NRG1: variants seen among roughly 807,000 people sequenced by gnomAD.
The protein encoded by NRG1 is neuregulin 1.
A neutral mutation model predicts 63.8 loss-of-function variants in NRG1; 18 were observed. The ratio of observed to expected loss-of-function variants is 0.28; its 90% CI spans 0.19 to 0.42. The LOEUF is 0.42. Ranked by LOEUF, NRG1 falls within the 10% of genes least tolerant of loss-of-function variation. The probability of loss-of-function intolerance (pLI) is 1.00; values close to 1 mark genes in which losing one functional copy is unlikely to be tolerated. For synonymous variants in NRG1, 302 were observed against 301.3 expected (o/e 1.00, Z -0.02); for missense variants, 762 against 814.7 (o/e 0.94, Z 0.79).
At chr8:32,648,301 C>A in intron 5 of NRG1, 2 of 1,614,112 alleles carry the variant, frequency 1.2e-6, no homozygotes, top group Middle Eastern at 1.6e-4. Context: ...CCTTCACCCA[C>A]CCGGAACCCT....
At chr8:32,364,020 A>G (rs371946718) in intron 1 of NRG1, among the ~76,000 whole-genome samples, 2 of 150,242 alleles carry the variant, frequency 1.3e-5, no homozygotes, top group African/African-American at 4.9e-5. Context: ...AAAATGTACT[A>G]TAATCCCACC....
chr8:31,671,810 G>GA (rs1271730479), intron 1 of NRG1, among the ~76,000 whole-genome samples: 3 of 151,892 alleles, frequency 2.0e-5, no homozygotes, highest in Middle Eastern at 3.2e-3. Flanking sequence ...ATGTCAGTAG[G>GA]AAAAAAGATA....
intron 1 of NRG1, among the ~76,000 whole-genome samples, chr8:32,053,132 T>C (rs569247862): frequency 1.3e-5 from 2 of 152,292 alleles, no homozygotes; most frequent in African/African-American, 4.8e-5. Flanking sequence ...TGCAGATCTA[T>C]TTTGGAGACC....
chr8:32,504,576 C>T (rs10954853), intron 1 of NRG1, among the ~76,000 whole-genome samples: 25,864 of 151,816 alleles, frequency 0.17, 2,580 homozygotes, highest in Admixed American at 0.31. Context: ...CACACATAAA[C>T]ATATAAAGAT....
intron 1 of NRG1, among the ~76,000 whole-genome samples, chr8:32,084,675 C>G (rs939366619): frequency 2.0e-5 from 3 of 152,116 alleles, no homozygotes; most frequent in Non-Finnish European, 4.4e-5. Flanking sequence ...AGGAAATATT[C>G]TATTCTCAGT....
At chr8:32,034,969 A>G (rs1026239658) in intron 1 of NRG1, among the ~76,000 whole-genome samples, 7 of 148,132 alleles carry the variant, frequency 4.7e-5, no homozygotes, top group Admixed American at 4.7e-4. Context: ...GAGCTTGGTT[A>G]TTTCTTGTCT....
chr8:31,647,051 C>A (rs1804354903), intron 1 of NRG1, among the ~76,000 whole-genome samples: 1 of 152,188 alleles, frequency 6.6e-6, no homozygotes, highest in Admixed American at 6.5e-5. Context: ...TTGCTGTAGT[C>A]TATGAACCCT....
chr8:31,963,562 C>T (rs1163540171), intron 1 of NRG1, among the ~76,000 whole-genome samples: 1 of 152,094 alleles, frequency 6.6e-6, no homozygotes, highest in Non-Finnish European at 1.5e-5. Context: ...GTACAAAATG[C>T]CATAATATTT....
chr8:32,464,394 G>A (rs973942003), intron 1 of NRG1, among the ~76,000 whole-genome samples: 1 of 147,452 alleles, frequency 6.8e-6, no homozygotes, highest in African/African-American at 2.5e-5. Context: ...CCAGGTTGCA[G>A]AATCCCAATC....
intron 5 of NRG1, among the ~76,000 whole-genome samples, chr8:32,658,039 G>A (rs1363712697): frequency 6.6e-6 from 1 of 152,068 alleles, no homozygotes; most frequent in African/African-American, 2.4e-5. Flanking sequence ...CTACTTCCAC[G>A]ATAACAGGGA....
intron 1 of NRG1, among the ~76,000 whole-genome samples, chr8:31,944,796 G>T (rs1048800169): frequency 6.6e-6 from 1 of 152,164 alleles, no homozygotes; most frequent in Non-Finnish European, 1.5e-5. Flanking sequence ...AGCAATTTAC[G>T]CAGTAGGTAT....
chr8:32,280,330 T>C (rs1473018879), intron 1 of NRG1, among the ~76,000 whole-genome samples: 1 of 152,210 alleles, frequency 6.6e-6, no homozygotes, highest in Non-Finnish European at 1.5e-5. Context: ...GAATCACTAA[T>C]TAAATGAGAT....
rs554538711 is a variant in NRG1, at chr8:32,689,297, C to CA, written c.503-38639dup. ...GGATCGTGGCAACAATAAGAGAAAT[C>CA]AAAAAAAAAAAAAGGAAGAGTTCAT... On this transcript the variant is annotated intron_variant, in intron 5 of 11. Coordinates refer to ENST00000356819, the Ensembl canonical transcript of NRG1. Among the ~76,000 whole-genome samples, 690 of 119,024 alleles carry CA rather than the reference C, an allele frequency of 5.8e-3. 2 individuals are homozygous for CA. The highest frequency in any genetic ancestry group is 0.035 in the Middle Eastern group (8 of 226). The allele number at this position is 119,024 out of a possible 152,430, so 78.1% of individuals were successfully genotyped here. A position where few individuals can be genotyped will look rare whatever the true frequency, so the allele number is the denominator to read the frequency against.
At chr8:31,946,963 A>G (rs538835454) in intron 1 of NRG1, among the ~76,000 whole-genome samples, 1 of 152,306 alleles carries the variant, frequency 6.6e-6, no homozygotes, top group South Asian at 2.1e-4. Flanking sequence ...TACTTCTGTG[A>G]TTGCCTACTA....
At chr8:32,424,249 G>A (rs2129486319) in intron 1 of NRG1, among the ~76,000 whole-genome samples, 1 of 151,986 alleles carries the variant, frequency 6.6e-6, no homozygotes, top group East Asian at 1.9e-4. Flanking sequence ...CTTGACTTGT[G>A]GCATCCACTA....
intron 5 of NRG1, among the ~76,000 whole-genome samples, chr8:32,638,023 C>G (rs1851654668): frequency 6.6e-6 from 1 of 152,150 alleles, no homozygotes; most frequent in South Asian, 2.1e-4. Context: ...TCTAAACTAT[C>G]TAATCAAGTG....
intron 1 of NRG1, among the ~76,000 whole-genome samples, chr8:31,708,398 G>A (rs976492133): frequency 6.6e-6 from 1 of 151,052 alleles, no homozygotes; most frequent in Non-Finnish European, 1.5e-5. Context: ...CTACTCCCCT[G>A]AACAACAACT....
At chr8:32,080,707 A>G (rs1827313650) in intron 1 of NRG1, among the ~76,000 whole-genome samples, 2 of 151,932 alleles carry the variant, frequency 1.3e-5, no homozygotes, top group Non-Finnish European at 2.9e-5. Flanking sequence ...TAGGTGAGAT[A>G]TGGCAGGGAA....
intron 1 of NRG1, among the ~76,000 whole-genome samples, chr8:31,644,171 G>T (rs1314884044): frequency 1.3e-5 from 2 of 152,146 alleles, no homozygotes; most frequent in South Asian, 4.1e-4. Flanking sequence ...TAAGGAAATA[G>T]AAACAGTAAC....
Sources: gnomAD v4.1 joint callset for allele counts (sites outside exome capture counted in the v4.1 genomes callset) on GRCh38, gnomAD v4.1.1 for gene constraint, MANE v1.5 for transcripts, NCBI Gene and HGNC (gene_info 2026-07-23, HGNC 2026-07-21) for gene names.